GUCY1A2: variants seen among roughly 807,000 people sequenced by gnomAD.
GUCY1A2 encodes the protein guanylate cyclase soluble subunit alpha-2.
GUCY1A2 carries 27 observed loss-of-function variants against 63.5 expected under a neutral mutation model. The ratio of observed to expected loss-of-function variants is 0.43; its 90% CI spans 0.31 to 0.59. The LOEUF is 0.59. Ranked by LOEUF, GUCY1A2 falls within the 20% of genes least tolerant of loss-of-function variation. The pLI is 0.11. For synonymous variants in GUCY1A2, 364 were observed against 343.5 expected (o/e 1.06, Z -0.66); for missense variants, 768 against 913.3 (o/e 0.84, Z 2.05).
chr11:107,000,849 G>C (rs1390187120), intron 1 of GUCY1A2, among the ~76,000 whole-genome samples: 1 of 152,080 alleles, frequency 6.6e-6, no homozygotes, highest in East Asian at 1.9e-4. Context: ...ATCAAGACAT[G>C]ATTCATACAC....
At chr11:106,777,346 C>A (rs542303303) in intron 5 of GUCY1A2, among the ~76,000 whole-genome samples, 2 of 150,584 alleles carry the variant, frequency 1.3e-5, no homozygotes, top group East Asian at 2.0e-4. Context: ...AGTAGGGAGG[C>A]TGAGGCAGGA....
In GUCY1A2 at chr11:106,961,399, G is replaced by A. The variant is rs538961396; in HGVS notation, c.487+17220C>T. Reference sequence around the variant, plus strand: ...GCTAAAAGAGATATAAAACAAAGATGTCTGAATGTGGATCTTTTATTTTTT... The same window carrying A: ...GCTAAAAGAGATATAAAACAAAGATATCTGAATGTGGATCTTTTATTTTTT... On this transcript the variant is annotated intron_variant, in intron 3 of 7. Transcript: ENST00000526355. Among the ~76,000 whole-genome samples the A allele has an allele frequency of 3.9e-5, 6 of 152,198 alleles. 1 individual carries two copies. In the South Asian group the frequency reaches 1.2e-3, roughly 32 times the overall value.
chr11:106,901,715 G>A (rs535696505), intron 4 of GUCY1A2, among the ~76,000 whole-genome samples: 15 of 142,374 alleles, frequency 1.1e-4, no homozygotes, highest in South Asian at 4.4e-4. Flanking sequence ...CAATTCCCAC[G>A]TATGAGTGAG....
intron 3 of GUCY1A2, among the ~76,000 whole-genome samples, chr11:106,961,692 T>C (rs1861059935): frequency 1.3e-5 from 2 of 152,230 alleles, no homozygotes; most frequent in Admixed American, 1.3e-4. Flanking sequence ...GACTTTTCTC[T>C]TCTCAGCACA....
intron 4 of GUCY1A2, among the ~76,000 whole-genome samples, chr11:106,875,690 T>C (rs530481670): frequency 1.3e-5 from 2 of 152,202 alleles, no homozygotes; most frequent in African/African-American, 2.4e-5. Flanking sequence ...AGGCCAACTA[T>C]AGAATTCATT....
intron 4 of GUCY1A2, among the ~76,000 whole-genome samples, chr11:106,820,124 T>C (rs1411686954): frequency 1.3e-5 from 2 of 152,246 alleles, no homozygotes; most frequent in Non-Finnish European, 2.9e-5. Context: ...TCGATGTGTA[T>C]GTGTGTTTTG....
intron 5 of GUCY1A2, among the ~76,000 whole-genome samples, chr11:106,800,331 G>T (rs944113376): frequency 1.3e-5 from 2 of 152,120 alleles, no homozygotes; most frequent in South Asian, 4.1e-4. Flanking sequence ...ACAGTGTGGC[G>T]ATTCCTCAAG....
At chr11:106,713,785 C>T (rs1863167413) in intron 6 of GUCY1A2, among the ~76,000 whole-genome samples, 2 of 151,876 alleles carry the variant, frequency 1.3e-5, no homozygotes, top group Admixed American at 1.3e-4. Context: ...GGATTACAGG[C>T]GTGAGCCACC....
At chr11:106,899,606 C>T (rs1860098598) in intron 4 of GUCY1A2, among the ~76,000 whole-genome samples, 1 of 152,066 alleles carries the variant, frequency 6.6e-6, no homozygotes, top group South Asian at 2.1e-4. Flanking sequence ...TATTTTCCTC[C>T]CCACAGAATT....
chr11:106,955,495 C>A (rs1388714478), intron 3 of GUCY1A2, among the ~76,000 whole-genome samples: 4 of 152,160 alleles, frequency 2.6e-5, no homozygotes, highest in Admixed American at 2.6e-4. Flanking sequence ...CAGGGCAGGA[C>A]TGGTGGTAAT....
Position 106,725,378 on chromosome 11 carries a change from T to C in GUCY1A2, c.1837-16712A>G, listed in dbSNP as rs2135366845. 4.2e-5 allele frequency among the ~76,000 whole-genome samples: 2 copies of C among 47,780 alleles called. 1 individual carries two copies. Among genetic ancestry groups the C allele is most frequent in the East Asian group, 5.3e-4 (2 of 3,800 alleles). 31.3% of individuals were successfully genotyped at this position (47,780 alleles called of 152,430 possible). ...TAGTAGAGACGGGGTTTCACCGTTT[T>C]AGCCGGGATGGTCTCGATCTCCTGA... On this transcript the variant is annotated intron_variant, in intron 6 of 7. Coordinates refer to ENST00000526355, the MANE Select transcript of GUCY1A2 (RefSeq NM_000855.3).
chr11:106,769,540 A>C (rs929088369), intron 6 of GUCY1A2, among the ~76,000 whole-genome samples: 2 of 152,186 alleles, frequency 1.3e-5, no homozygotes, highest in African/African-American at 2.4e-5. Context: ...TTAATACTTT[A>C]AATAAATACT....
chr11:106,904,343 T>C (rs1227762609), intron 4 of GUCY1A2, among the ~76,000 whole-genome samples: 2 of 152,132 alleles, frequency 1.3e-5, no homozygotes, highest in African/African-American at 2.4e-5. Flanking sequence ...ACAATGACAA[T>C]GGAATTGTGT....
At chr11:106,969,426 T>A (rs577050200) in intron 3 of GUCY1A2, among the ~76,000 whole-genome samples, 1 of 152,132 alleles carries the variant, frequency 6.6e-6, no homozygotes, top group Non-Finnish European at 1.5e-5. Flanking sequence ...AGCAGAGAGA[T>A]AACACAATGG....
intron 4 of GUCY1A2, among the ~76,000 whole-genome samples, chr11:106,851,632 G>T (rs1859356650): frequency 6.6e-6 from 1 of 151,710 alleles, no homozygotes; most frequent in Admixed American, 6.6e-5. Flanking sequence ...TATGTTCTTG[G>T]ATACTTTATT....
chr11:107,000,131 C>T (rs1254044876), intron 1 of GUCY1A2, among the ~76,000 whole-genome samples: 1 of 152,136 alleles, frequency 6.6e-6, no homozygotes, highest in African/African-American at 2.4e-5. Context: ...TGCAGGTATA[C>T]TTTTGGAGAA....
chr11:106,750,613 T>C (rs79020126), intron 6 of GUCY1A2, among the ~76,000 whole-genome samples: 126 of 152,146 alleles, frequency 8.3e-4, no homozygotes, highest in African/African-American at 2.9e-3. Context: ...ATGACACTAC[T>C]ATAAATGAAA....
At chr11:106,899,660 A>G (rs1488695136) in intron 4 of GUCY1A2, among the ~76,000 whole-genome samples, 1 of 152,252 alleles carries the variant, frequency 6.6e-6, no homozygotes, top group African/African-American at 2.4e-5. Context: ...AATTGAGACT[A>G]AGTATTTCCA....
At chr11:106,989,659 AT>A (rs763437600) in intron 1 of GUCY1A2, among the ~76,000 whole-genome samples, 2 of 152,198 alleles carry the variant, frequency 1.3e-5, no homozygotes, top group Non-Finnish European at 2.9e-5. Context: ...TCGAAAAAAA[AT>A]CAATAAAGCT....
Sources: gnomAD v4.1 joint callset for allele counts (sites outside exome capture counted in the v4.1 genomes callset) on GRCh38, gnomAD v4.1.1 for gene constraint, MANE v1.5 for transcripts, NCBI Gene and HGNC (gene_info 2026-07-23, HGNC 2026-07-21) for gene names.